PCDH9: variants seen among roughly 807,000 people sequenced by gnomAD.
PCDH9 encodes protocadherin-9.
PCDH9 carries 24 observed loss-of-function variants against 70.6 expected under a neutral mutation model. That is an observed-to-expected ratio of 0.34 (90% CI 0.25 to 0.48). The LOEUF (loss-of-function observed/expected upper bound fraction) is 0.48. Among genes scored for constraint, PCDH9 ranks in the 20% least tolerant of loss-of-function variants. The pLI is 0.99. For synonymous variants in PCDH9, 562 were observed against 558.5 expected (o/e 1.01, Z -0.09); for missense variants, 1,281 against 1,503.6 (o/e 0.85, Z 2.45).
chr13:66,769,764 G>A (rs2079776001), intron 3 of PCDH9, among the ~76,000 whole-genome samples: 1 of 152,058 alleles, frequency 6.6e-6, no homozygotes. Context: ...CAGAATTGTA[G>A]AGCCTAAGGG....
intron 2 of PCDH9, among the ~76,000 whole-genome samples, chr13:67,113,571 G>T (rs1325541946): frequency 6.6e-6 from 1 of 150,620 alleles, no homozygotes; most frequent in African/African-American, 2.4e-5. Context: ...TTTTTGAGAC[G>T]GACTCTCGCT....
intron 4 of PCDH9, among the ~76,000 whole-genome samples, chr13:66,609,900 A>G (rs192212447): frequency 2.6e-5 from 4 of 151,738 alleles, no homozygotes; most frequent in Admixed American, 2.6e-4. Flanking sequence ...GCAACATGTT[A>G]GAAGGACTAG....
At chr13:66,352,990 T>C (rs1022589738) in intron 4 of PCDH9, among the ~76,000 whole-genome samples, 3 of 152,134 alleles carry the variant, frequency 2.0e-5, no homozygotes, top group East Asian at 1.9e-4. Context: ...CAAATGTACA[T>C]AGAGGCTGTA....
intron 4 of PCDH9, among the ~76,000 whole-genome samples, chr13:66,370,342 A>G (rs1229134906): frequency 6.6e-6 from 1 of 151,910 alleles, no homozygotes; most frequent in South Asian, 2.1e-4. Flanking sequence ...AATTACATAG[A>G]TGGACCTCCC....
intron 3 of PCDH9, among the ~76,000 whole-genome samples, chr13:66,691,296 C>T (rs1234659087): frequency 6.6e-6 from 1 of 152,056 alleles, no homozygotes; most frequent in Non-Finnish European, 1.5e-5. Flanking sequence ...CCTTGAACTC[C>T]CAAAGTGCTG....
intron 3 of PCDH9, among the ~76,000 whole-genome samples, chr13:66,838,300 A>G (rs2081057546): frequency 6.6e-6 from 1 of 152,106 alleles, no homozygotes; most frequent in South Asian, 2.1e-4. Flanking sequence ...GAGTAGTACC[A>G]TGCACATTAC....
chr13:66,640,987 G>A (rs921862996), intron 3 of PCDH9, among the ~76,000 whole-genome samples: 6 of 151,674 alleles, frequency 4.0e-5, no homozygotes, highest in Admixed American at 6.6e-5. Context: ...GCAATTCTCC[G>A]GCCTCAGCCT....
At chr13:66,869,804 ACTTT>A (rs2081641439) in intron 3 of PCDH9, among the ~76,000 whole-genome samples, 1 of 152,028 alleles carries the variant, frequency 6.6e-6, no homozygotes, top group South Asian at 2.1e-4. Context: ...CCCTTTTCTT[ACTTT>A]GTTCACTACT....
chr13:66,693,951 C>T (rs2078523083), intron 3 of PCDH9, among the ~76,000 whole-genome samples: 1 of 152,106 alleles, frequency 6.6e-6, no homozygotes, highest in African/African-American at 2.4e-5. Flanking sequence ...GGTTGAAATA[C>T]ACAAAAATTT....
chr13:67,169,620 A>T (rs1396202070), intron 2 of PCDH9, among the ~76,000 whole-genome samples: 1 of 152,182 alleles, frequency 6.6e-6, no homozygotes, highest in African/African-American at 2.4e-5. Context: ...CTTATTCTGT[A>T]GCTATCGAAA....
intron 3 of PCDH9, among the ~76,000 whole-genome samples, chr13:66,659,300 T>C (rs779123581): frequency 2.6e-5 from 4 of 152,224 alleles, no homozygotes; most frequent in Non-Finnish European, 4.4e-5. Flanking sequence ...AAGTATTGAC[T>C]AAATCATAGA....
intron 2 of PCDH9, among the ~76,000 whole-genome samples, chr13:67,136,494 T>C (rs1420382230): frequency 6.6e-5 from 10 of 152,150 alleles, no homozygotes; most frequent in Admixed American, 5.9e-4. Context: ...AGGTGGTCCT[T>C]TGAGTTTGTT....
chr13:66,812,924 C>G (rs1259677659), intron 3 of PCDH9, among the ~76,000 whole-genome samples: 1 of 152,164 alleles, frequency 6.6e-6, no homozygotes, highest in Non-Finnish European at 1.5e-5. Flanking sequence ...CATCCTAAAT[C>G]CATGGCTAAT....
chr13:66,779,040 T>A (rs749125437), intron 3 of PCDH9, among the ~76,000 whole-genome samples: 1 of 152,220 alleles, frequency 6.6e-6, no homozygotes, highest in Non-Finnish European at 1.5e-5. Flanking sequence ...TTTATCTTAG[T>A]TTCATTTCCA....
intron 4 of PCDH9, chr13:66,306,353 G>C (rs1432209156): frequency 1.3e-5 from 2 of 150,344 alleles, no homozygotes; most frequent in East Asian, 3.9e-4. Context: ...CACCGAGACA[G>C]GAAACAGTTG....
At chr13:66,404,528 C>T (rs1957246690) in intron 4 of PCDH9, among the ~76,000 whole-genome samples, 1 of 151,594 alleles carries the variant, frequency 6.6e-6, no homozygotes. Context: ...GCTGATAATC[C>T]ACAACTATGA....
intron 4 of PCDH9, among the ~76,000 whole-genome samples, chr13:66,446,127 T>A (rs555304634): frequency 6.6e-6 from 1 of 152,128 alleles, no homozygotes; most frequent in African/African-American, 2.4e-5. Context: ...ATGTGATGTG[T>A]GTATGTATGT....
chr13:66,974,125 G>A (rs1205464354), intron 2 of PCDH9, among the ~76,000 whole-genome samples: 1 of 151,882 alleles, frequency 6.6e-6, no homozygotes. Flanking sequence ...CTTCGTGATG[G>A]GGGTGAGTCT....
At chr13:66,727,670 G>A (rs1433571711) in intron 3 of PCDH9, among the ~76,000 whole-genome samples, 3 of 152,010 alleles carry the variant, frequency 2.0e-5, no homozygotes, top group Admixed American at 6.6e-5. Flanking sequence ...AGACACAGAG[G>A]CACACATATG....
Sources: gnomAD v4.1 joint callset for allele counts (sites outside exome capture counted in the v4.1 genomes callset) on GRCh38, gnomAD v4.1.1 for gene constraint, MANE v1.5 for transcripts, NCBI Gene and HGNC (gene_info 2026-07-23, HGNC 2026-07-21) for gene names.